The following ZNF609 variants were observed in gnomAD, a reference collection of about 807,000 sequenced individuals.
The protein encoded by ZNF609 is zinc finger protein 609.
ZNF609 carries 11 observed loss-of-function variants against 109.5 expected under a neutral mutation model. That is an observed-to-expected ratio of 0.10 (90% CI 0.06 to 0.17). The LOEUF (loss-of-function observed/expected upper bound fraction) is 0.17, where lower values mean the gene tolerates loss of function less well. Among genes scored for constraint, ZNF609 ranks in the 10% least tolerant of loss-of-function variants. ZNF609 has a pLI of 1.00. For missense variants in ZNF609, 1,559 were observed against 1,772.4 expected, an observed-to-expected ratio of 0.88 and a Z score of 2.16; for synonymous variants, 646 against 662.0, an observed-to-expected ratio of 0.98 and a Z score of 0.37.
At chr15:64,586,640 C>G (rs1025914364) in intron 2 of ZNF609, among the ~76,000 whole-genome samples, 9 of 151,868 alleles carry the variant, frequency 5.9e-5, no homozygotes, top group African/African-American at 2.2e-4. Context: ...TGAACCATCC[C>G]CCGTCCCGCC....
intron 2 of ZNF609, among the ~76,000 whole-genome samples, chr15:64,606,130 TG>T (rs1241814870): frequency 2.0e-5 from 3 of 151,108 alleles, no homozygotes; most frequent in Non-Finnish European, 2.9e-5. Flanking sequence ...ATATTTATTT[TG>T]GGGATAGAGT....
At chr15:64,643,903 C>G (rs1482795099) in intron 3 of ZNF609, 1 of 152,154 alleles carries the variant, frequency 6.6e-6, no homozygotes, top group Middle Eastern at 3.4e-3. Flanking sequence ...TTAGACCAAC[C>G]TGGGCAACAT....
At chr15:64,666,648 A>G (rs1896653372) in intron 3 of ZNF609, among the ~76,000 whole-genome samples, 1 of 151,528 alleles carries the variant, frequency 6.6e-6, no homozygotes, top group Non-Finnish European at 1.5e-5. Flanking sequence ...AGTAGCTGGG[A>G]CTACAGGCGC....
At chr15:64,461,823 C>A (rs746237668) in intron 1 of ZNF609, among the ~76,000 whole-genome samples, 1 of 152,304 alleles carries the variant, frequency 6.6e-6, no homozygotes, top group South Asian at 2.1e-4. Context: ...GTCCCCAAGC[C>A]CCTACAGGCC....
intron 1 of ZNF609, among the ~76,000 whole-genome samples, chr15:64,469,386 T>G (rs1347362840): frequency 7.8e-6 from 1 of 127,694 alleles, no homozygotes; most frequent in Non-Finnish European, 1.5e-5. Flanking sequence ...ATCTCACCAC[T>G]GCAATTCAGC....
At chr15:64,475,691 C>T (rs1445430425) in intron 1 of ZNF609, among the ~76,000 whole-genome samples, 1 of 152,058 alleles carries the variant, frequency 6.6e-6, no homozygotes, top group Non-Finnish European at 1.5e-5. Context: ...GCGCCCAGCC[C>T]GCATGTTGTC....
At chr15:64,625,538 T>C (rs1172499784) in intron 3 of ZNF609, among the ~76,000 whole-genome samples, 1 of 151,914 alleles carries the variant, frequency 6.6e-6, no homozygotes, top group Non-Finnish European at 1.5e-5. Flanking sequence ...AAAATATATT[T>C]GTTTGAATGA....
At chr15:64,533,815 C>T (rs1159482465) in intron 2 of ZNF609, among the ~76,000 whole-genome samples, 2 of 152,202 alleles carry the variant, frequency 1.3e-5, no homozygotes, top group Non-Finnish European at 2.9e-5. Flanking sequence ...GCAGCATTTT[C>T]CAAAACTAGT....
intron 2 of ZNF609, among the ~76,000 whole-genome samples, chr15:64,580,099 G>C (rs1020524670): frequency 6.6e-6 from 1 of 152,160 alleles, no homozygotes; most frequent in Non-Finnish European, 1.5e-5. Flanking sequence ...GGGAAGAAGA[G>C]GGCAAGAGAG....
At chr15:64,506,139 A>G (rs953326692) in intron 2 of ZNF609, among the ~76,000 whole-genome samples, 15 of 151,760 alleles carry the variant, frequency 9.9e-5, no homozygotes, top group African/African-American at 3.2e-4. Context: ...TAGCACCTAC[A>G]TAAGTTTGTA....
At chr15:64,620,835 A>AG (rs1483061252) in intron 2 of ZNF609, among the ~76,000 whole-genome samples, 3 of 152,210 alleles carry the variant, frequency 2.0e-5, no homozygotes, top group Non-Finnish European at 4.4e-5. Context: ...CTCAGCCTAT[A>AG]GGCTAGTTTT....
chr15:64,499,201 T>C, intron 1 of ZNF609, 92 bp from the exon 2 acceptor site: 2 of 544,930 alleles, frequency 3.7e-6, no homozygotes, highest in Non-Finnish European at 6.4e-6. Flanking sequence ...GATAGCCCCA[T>C]AGGAAGGGTC....
chr15:64,512,629 C>T (rs1417380870), intron 2 of ZNF609, among the ~76,000 whole-genome samples: 1 of 151,930 alleles, frequency 6.6e-6, no homozygotes, highest in African/African-American at 2.4e-5. Flanking sequence ...AGAACAAGCA[C>T]CTTATATCAT....
chr15:64,619,431 C>T lies in ZNF609; in HGVS notation c.748-3396C>T, dbSNP rs649625. On this transcript the variant is annotated intron_variant, in intron 2 of 9. Transcript: ENST00000326648. Reference sequence around the variant, plus strand: ...TGAATATCACAGAGCTTATTATGCACTATGGCTTAATGTTAGATTATAGAT... The same window carrying T: ...TGAATATCACAGAGCTTATTATGCATTATGGCTTAATGTTAGATTATAGAT... 6.8e-3 allele frequency among the ~76,000 whole-genome samples: 1,029 copies of T among 152,266 alleles called. 16 individuals carry two copies. The highest frequency in any genetic ancestry group is 0.023 in the African/African-American group (949 of 41,534).
At position 64,500,170 on chromosome 15, in the gene ZNF609, A is replaced by C; in HGVS notation, c.747+4A>C. 1 of 1,612,254 alleles carries C rather than the reference A, an allele frequency of 6.2e-7. No homozygotes were observed. The highest frequency in any genetic ancestry group is 8.5e-7 in the Non-Finnish European group (1 of 1,179,756). ...AAAGAAAGTCAAGTCTGAAAAGGTA[A>C]GAGGTGGCCAGATATGGCTGCCCAC... is the stretch of plus-strand genomic sequence containing the variant. On this transcript the variant is annotated splice_donor_region_variant and intron_variant, in intron 2 of 9. Transcript: ENST00000326648.
chr15:64,645,013 C>CTTCT (rs1896311842), intron 3 of ZNF609, among the ~76,000 whole-genome samples: 1 of 143,376 alleles, frequency 7.0e-6, no homozygotes. Flanking sequence ...TTCTTTCTTC[C>CTTCT]TTCCTTCCTT....
intron 3 of ZNF609, among the ~76,000 whole-genome samples, chr15:64,625,934 T>TAGAGAG (rs1345949122): frequency 1.7e-4 from 12 of 71,040 alleles, no homozygotes; most frequent in African/African-American, 6.7e-4. Context: ...TATATATATA[T>TAGAGAG]ATAGAGAGAG....
At chr15:64,586,560 A>T (rs1895201310) in intron 2 of ZNF609, among the ~76,000 whole-genome samples, 1 of 152,022 alleles carries the variant, frequency 6.6e-6, no homozygotes, top group African/African-American at 2.4e-5. Flanking sequence ...CATGAGAGGG[A>T]CCTAAGTCAT....
At chr15:64,538,604 T>C (rs1468349331) in intron 2 of ZNF609, among the ~76,000 whole-genome samples, 5 of 152,222 alleles carry the variant, frequency 3.3e-5, no homozygotes, top group African/African-American at 9.6e-5. Context: ...TGGGGTGCAG[T>C]GGGGCGATCT....
Sources: allele counts gnomAD v4.1 joint callset (sites outside exome capture counted in the v4.1 genomes callset), GRCh38; gene constraint gnomAD v4.1.1; transcripts MANE v1.5; gene names NCBI Gene and HGNC (gene_info 2026-07-23, HGNC 2026-07-21).